Variants in KCNN2 observed in about 807,000 individuals in gnomAD.
KCNN2 encodes the protein small conductance calcium-activated potassium channel protein 2.
A neutral mutation model predicts 55.5 loss-of-function variants in KCNN2; 24 were observed. That is an observed-to-expected ratio of 0.43 (90% CI 0.31 to 0.61). The LOEUF is 0.61. KCNN2 is among the 20% of genes least tolerant of loss of function. The pLI is 0.08. For synonymous variants in KCNN2, 431 were observed against 336.1 expected, an observed-to-expected ratio of 1.28 and a Z score of -3.09; for missense variants, 754 against 853.6, an observed-to-expected ratio of 0.88 and a Z score of 1.45.
intron 1 of KCNN2, among the ~76,000 whole-genome samples, chr5:114,135,473 C>G (rs1219666877): frequency 6.6e-6 from 1 of 152,162 alleles, no homozygotes; most frequent in Non-Finnish European, 1.5e-5. Flanking sequence ...GTCATCTTTT[C>G]CCACTGGATT....
chr5:114,490,612 A>G (rs1319258605), intron 6 of KCNN2: 1 of 397,412 alleles, frequency 2.5e-6, no homozygotes, highest in African/African-American at 2.1e-5. Context: ...TGAACACCAC[A>G]TTGTGTTATT....
intron 2 of KCNN2, among the ~76,000 whole-genome samples, chr5:114,356,717 C>T (rs1757299887): frequency 6.6e-6 from 1 of 152,182 alleles, no homozygotes; most frequent in East Asian, 1.9e-4. Flanking sequence ...TCATTCATGT[C>T]TTGATACTTT....
intron 1 of KCNN2, among the ~76,000 whole-genome samples, chr5:114,148,207 G>A (rs1752444215): frequency 6.6e-6 from 1 of 152,024 alleles, no homozygotes; most frequent in Non-Finnish European, 1.5e-5. Flanking sequence ...TAGTCCTTAA[G>A]GTCAATGATA....
intron 2 of KCNN2, among the ~76,000 whole-genome samples, chr5:114,249,744 C>CAAA (rs70976329): frequency 3.5e-5 from 5 of 141,958 alleles, no homozygotes; most frequent in African/African-American, 1.3e-4. Flanking sequence ...ACCCTAGCTT[C>CAAA]AAAAAAAAAA....
At position 114,362,836 on chromosome 5, in the gene KCNN2, C is replaced by T. The variant is rs1332112125; in HGVS notation, c.697C>T (p.Arg233Cys). The stretch of plus-strand genomic sequence containing the variant: ...GCCGCTCAGCAACTTGAGCGCGTCC[C>T]GCCGGAACCTGCACGAGATGGACTC... ...MRPLSNLSASRRNLHEMDSEA... is the reference protein window; with the variant it reads ...MRPLSNLSASCRNLHEMDSEA... The change falls in exon 1 of 8, where the codon CGC (arginine) becomes TGC (cysteine). Residue 233 changes from arginine to cysteine, a missense_variant. By Grantham distance (180) the Arg-to-Cys change is radical (BLOSUM62 -3). Transcript: ENST00000673685. 3 of 1,599,956 alleles carry T rather than the reference C, an allele frequency of 1.9e-6. No individual in the cohort carries two copies. Among genetic ancestry groups the T allele is most frequent in the Middle Eastern group, 3.3e-4 (2 of 6,054 alleles).
At chr5:114,482,075 A>G (rs1438880715) in intron 5 of KCNN2, among the ~76,000 whole-genome samples, 1 of 152,232 alleles carries the variant, frequency 6.6e-6, no homozygotes, top group East Asian at 1.9e-4. Flanking sequence ...AAAAGAAACT[A>G]TTGACAAAGT....
intron 2 of KCNN2, among the ~76,000 whole-genome samples, chr5:114,273,965 G>T (rs577099064): frequency 6.6e-5 from 10 of 152,202 alleles, no homozygotes; most frequent in African/African-American, 2.4e-4. Flanking sequence ...TTTCTTCCAG[G>T]ATTTTAGAAC....
At chr5:114,122,002 A>G (rs1449521819) in intron 1 of KCNN2, among the ~76,000 whole-genome samples, 1 of 152,232 alleles carries the variant, frequency 6.6e-6, no homozygotes, top group Non-Finnish European at 1.5e-5. Context: ...TAACACAATC[A>G]AAGAACAAAT....
At chr5:114,488,863 A>G (rs1747708251) in intron 6 of KCNN2, 1 of 152,178 alleles carries the variant, frequency 6.6e-6, no homozygotes, top group Non-Finnish European at 1.5e-5. Flanking sequence ...ACCTATATTT[A>G]GTATGTTAAA....
chr5:114,229,190 C>G (rs57028148), intron 2 of KCNN2, among the ~76,000 whole-genome samples: 13,138 of 151,790 alleles, frequency 0.087, 657 homozygotes, highest in Middle Eastern at 0.13. Context: ...CATAGAGAGT[C>G]ATATGATAAT....
intron 1 of KCNN2, among the ~76,000 whole-genome samples, chr5:114,091,502 A>G (rs749069000): frequency 1.3e-5 from 2 of 152,228 alleles, no homozygotes; most frequent in African/African-American, 2.4e-5. Context: ...ATCCAGCCAT[A>G]TTTAAGCTGT....
rs1175465805 is a variant in KCNN2, at chr5:114,449,904, A to ACG, written c.1638-13144_1638-13143insGC. 8.5e-3 allele frequency among the ~76,000 whole-genome samples: 250 copies of ACG among 29,468 alleles called. 1 individual carries two copies. The highest frequency in any genetic ancestry group is 0.013 in the African/African-American group (240 of 19,086). The allele number at this position is 29,468 out of a possible 152,430, so 19.3% of individuals were successfully genotyped here. A position where few individuals can be genotyped will look rare whatever the true frequency, so the allele number is the denominator to read the frequency against. ...TACACACACACACACACACACACAC[A>ACG]CACACGCGCGCGCTCGCGTGCGCGC... is the stretch of plus-strand genomic sequence containing the variant. On this transcript the variant is annotated intron_variant, in intron 3 of 7. Transcript: ENST00000673685.
At chr5:114,302,189 C>T (rs558724730) in intron 2 of KCNN2, among the ~76,000 whole-genome samples, 64 of 152,274 alleles carry the variant, frequency 4.2e-4, no homozygotes, top group Admixed American at 7.2e-4. Context: ...TACTGTTGAA[C>T]TTAGAATCAT....
At chr5:114,392,240 CAT>C (rs1414347564) in intron 2 of KCNN2, among the ~76,000 whole-genome samples, 3 of 152,138 alleles carry the variant, frequency 2.0e-5, no homozygotes, top group Non-Finnish European at 2.9e-5. Context: ...CAGCAAATAA[CAT>C]TATCTCCATT....
chr5:114,401,832 G>T (rs2150069669), intron 2 of KCNN2, among the ~76,000 whole-genome samples: 1 of 152,236 alleles, frequency 6.6e-6, no homozygotes, highest in East Asian at 1.9e-4. Flanking sequence ...AGTAGGCAAT[G>T]AAGTTGGAGA....
At chr5:114,164,991 G>A (rs545999278) in intron 1 of KCNN2, among the ~76,000 whole-genome samples, 1 of 152,102 alleles carries the variant, frequency 6.6e-6, no homozygotes, top group African/African-American at 2.4e-5. Context: ...CAGATGAGAC[G>A]AGTAAGGCAC....
intron 1 of KCNN2, among the ~76,000 whole-genome samples, chr5:114,116,438 T>A (rs1232536022): frequency 2.0e-5 from 3 of 152,276 alleles, no homozygotes; most frequent in African/African-American, 7.2e-5. Context: ...TTCTTGCTCC[T>A]TATTAACATT....
At chr5:114,486,513 GTTAA>G (rs1473881217) in intron 5 of KCNN2, among the ~76,000 whole-genome samples, 1 of 152,170 alleles carries the variant, frequency 6.6e-6, no homozygotes, top group African/African-American at 2.4e-5. Flanking sequence ...GACTCCGTCA[GTTAA>G]TTAAAGTATA....
At chr5:114,163,473 G>T (rs1028339300) in intron 1 of KCNN2, among the ~76,000 whole-genome samples, 1 of 152,136 alleles carries the variant, frequency 6.6e-6, no homozygotes, top group Non-Finnish European at 1.5e-5. Context: ...TTAATACCTA[G>T]TTTATTGAGA....
Sources: allele counts gnomAD v4.1 joint callset (sites outside exome capture counted in the v4.1 genomes callset), GRCh38; gene constraint gnomAD v4.1.1; transcripts MANE v1.5; gene names NCBI Gene and HGNC (gene_info 2026-07-23, HGNC 2026-07-21).